The following LIMCH1 variants were observed in gnomAD, a reference collection of about 807,000 sequenced individuals.
The protein encoded by LIMCH1 is LIM and calponin homology domains 1.
A neutral mutation model predicts 176.5 loss-of-function variants in LIMCH1; 113 were observed. The ratio of observed to expected loss-of-function variants is 0.64; its 90% CI spans 0.55 to 0.75. The LOEUF (loss-of-function observed/expected upper bound fraction) is 0.75. Among genes scored for constraint, LIMCH1 ranks in the 30% least tolerant of loss-of-function variants. The probability of loss-of-function intolerance (pLI) is 0.00; values close to 1 mark genes in which losing one functional copy is unlikely to be tolerated. For missense variants in LIMCH1, 1,674 were observed against 1,814.9 expected, an observed-to-expected ratio of 0.92 and a Z score of 1.41; for synonymous variants, 619 against 645.9, an observed-to-expected ratio of 0.96 and a Z score of 0.63.
chr4:41,419,604 G>GTCCTTCCTTCCTTCCTTCCTTCCTTCC (rs2060312857), intron 1 of LIMCH1, among the ~76,000 whole-genome samples: 2 of 47,306 alleles, frequency 4.2e-5, no homozygotes, highest in Admixed American at 2.7e-4. Context: ...CCTTCCTTCC[G>GTCCTTCCTTCCTTCCTTCCTTCCTTCC]TCCTTCCTTC....
At chr4:41,449,797 G>C (rs1009525439) in intron 1 of LIMCH1, among the ~76,000 whole-genome samples, 5 of 152,192 alleles carry the variant, frequency 3.3e-5, no homozygotes, top group Admixed American at 6.5e-5. Flanking sequence ...TGGGTGGCTG[G>C]AACAACAGGA....
chr4:41,628,163 G>C (rs1215202630), intron 8 of LIMCH1, among the ~76,000 whole-genome samples: 3 of 152,156 alleles, frequency 2.0e-5, no homozygotes, highest in African/African-American at 7.2e-5. Flanking sequence ...CCTTGTGGGA[G>C]GGATCAGTTG....
At chr4:41,589,417 G>A (rs965975496) in intron 1 of LIMCH1, among the ~76,000 whole-genome samples, 8 of 152,186 alleles carry the variant, frequency 5.3e-5, no homozygotes, top group African/African-American at 1.9e-4. Context: ...GATCAGAAAT[G>A]TAGTGGGTAA....
chr4:41,644,049 C>T (rs976017947), intron 14 of LIMCH1, among the ~76,000 whole-genome samples: 6 of 152,152 alleles, frequency 3.9e-5, no homozygotes, highest in Non-Finnish European at 8.8e-5. Flanking sequence ...CACAAAGAAG[C>T]ATTTAACGTA....
intron 1 of LIMCH1, among the ~76,000 whole-genome samples, chr4:41,405,568 G>T (rs1173123288): frequency 6.6e-6 from 1 of 152,052 alleles, no homozygotes; most frequent in Admixed American, 6.6e-5. Flanking sequence ...TCTTAGAACT[G>T]GGTGATCACA....
chr4:41,694,341 T>C (rs560587051), intron 31 of LIMCH1, among the ~76,000 whole-genome samples: 1 of 152,290 alleles, frequency 6.6e-6, no homozygotes, highest in South Asian at 2.1e-4. Flanking sequence ...CACCTTCCAA[T>C]AATTTCTTGG....
At chr4:41,360,775 C>T, upstream of LIMCH1, 2 of 1,275,192 alleles carry the variant, frequency 1.6e-6, no homozygotes, top group Non-Finnish European at 2.1e-6. This position sits in a 1 kb window ranked among gnomAD's most constrained non-coding sequence, Gnocchi z 4.5. Flanking sequence ...GGGGAGCGCG[C>T]TCCTGCGGCG....
intron 7 of LIMCH1, among the ~76,000 whole-genome samples, chr4:41,623,442 G>C (rs188404313): frequency 7.2e-5 from 11 of 152,188 alleles, no homozygotes; most frequent in African/African-American, 1.2e-4. Context: ...TTTTTTGTTT[G>C]CTTGTTTCCC....
At chr4:41,464,308 A>T (rs1582632219) in intron 1 of LIMCH1, among the ~76,000 whole-genome samples, 1 of 142,056 alleles carries the variant, frequency 7.0e-6, no homozygotes, top group African/African-American at 2.7e-5. Flanking sequence ...TTACTTCCTT[A>T]CCTCCTACTC....
intron 1 of LIMCH1, among the ~76,000 whole-genome samples, chr4:41,442,275 G>T (rs1295939902): frequency 6.6e-6 from 1 of 151,862 alleles, no homozygotes; most frequent in Non-Finnish European, 1.5e-5. Flanking sequence ...CTTCCAGCCT[G>T]GGCAACAGAG....
At chr4:41,423,412 G>C (rs1439690954) in intron 1 of LIMCH1, among the ~76,000 whole-genome samples, 1 of 151,276 alleles carries the variant, frequency 6.6e-6, no homozygotes, top group Non-Finnish European at 1.5e-5. Flanking sequence ...TGAGCAAAAA[G>C]TAATTTGCAT....
At chr4:41,492,091 A>C (rs1156582913) in intron 1 of LIMCH1, among the ~76,000 whole-genome samples, 1 of 152,188 alleles carries the variant, frequency 6.6e-6, no homozygotes, top group East Asian at 1.9e-4. Flanking sequence ...AGATCACGCC[A>C]CTGCACTCCA....
intron 1 of LIMCH1, among the ~76,000 whole-genome samples, chr4:41,424,602 A>G (rs918530603): frequency 2.0e-5 from 3 of 152,186 alleles, no homozygotes; most frequent in Admixed American, 1.3e-4. Flanking sequence ...TTTTGTAATG[A>G]AACTTATGAA....
At chr4:41,439,169 C>G (rs905916016) in intron 1 of LIMCH1, among the ~76,000 whole-genome samples, 16 of 152,168 alleles carry the variant, frequency 1.1e-4, no homozygotes, top group African/African-American at 3.9e-4. Flanking sequence ...TGTTCTGATT[C>G]AGTACATGCA....
intron 31 of LIMCH1, among the ~76,000 whole-genome samples, chr4:41,695,385 A>G (rs993144171): frequency 1.3e-5 from 2 of 151,788 alleles, no homozygotes; most frequent in East Asian, 3.9e-4. Context: ...TTTGGGGGTA[A>G]AAAATGAGGT....
Position 41,698,992 on chromosome 4 carries a change from AG to A in LIMCH1, c.*1808del, listed in dbSNP as rs1323433208. ...TACAGGAAAAAATAAAAATAAAAAA[AG>A]AAAAAAAGAAAAAATTAAAAAGAAA... On this transcript the variant is annotated 3_prime_UTR_variant, in exon 32 of 32. Transcript: ENST00000503057. 1 of 151,842 alleles carries A rather than the reference AG, an allele frequency of 6.6e-6. No homozygotes were observed. Among genetic ancestry groups the A allele is most frequent in the Non-Finnish European group, 1.5e-5 (1 of 67,924 alleles). The allele number at this position is 151,842 out of a possible 1,614,324, so 9.4% of individuals were successfully genotyped here. A position where few individuals can be genotyped will look rare whatever the true frequency, so the allele number is the denominator to read the frequency against.
intron 1 of LIMCH1, among the ~76,000 whole-genome samples, chr4:41,559,563 G>A (rs1456678940): frequency 1.3e-5 from 2 of 151,956 alleles, no homozygotes; most frequent in South Asian, 2.1e-4. Flanking sequence ...GGTGCAACTC[G>A]TTGCAAAAAT....
chr4:41,622,780 G>C (rs1328858554), intron 7 of LIMCH1, among the ~76,000 whole-genome samples: 1 of 151,890 alleles, frequency 6.6e-6, no homozygotes, highest in Non-Finnish European at 1.5e-5. Flanking sequence ...CTGTTATTTG[G>C]CTTAATTTTA....
intron 1 of LIMCH1, among the ~76,000 whole-genome samples, chr4:41,393,698 AT>A (rs1338292597): frequency 1.3e-5 from 2 of 152,240 alleles, no homozygotes; most frequent in African/African-American, 4.8e-5. Context: ...CTTTAAAGAC[AT>A]ATAACAGAAG....
Sources: allele counts gnomAD v4.1 joint callset (sites outside exome capture counted in the v4.1 genomes callset), GRCh38; gene constraint gnomAD v4.1.1; non-coding constraint Gnocchi (gnomAD v3.1); transcripts MANE v1.5; gene names NCBI Gene and HGNC (gene_info 2026-07-23, HGNC 2026-07-21).